ESRRG: variants seen among roughly 807,000 people sequenced by gnomAD.
ESRRG encodes the protein estrogen-related receptor gamma.
Under a neutral mutation model 44.0 loss-of-function variants are expected in ESRRG, and 13 were observed. That is an observed-to-expected ratio of 0.30 (90% CI 0.19 to 0.47). The LOEUF (loss-of-function observed/expected upper bound fraction) is 0.47, where lower values mean the gene tolerates loss of function less well. ESRRG is among the 20% of genes least tolerant of loss of function. ESRRG has a pLI of 1.00. For synonymous variants in ESRRG, 215 were observed against 214.6 expected (o/e 1.00, Z -0.02); for missense variants, 395 against 580.6 (o/e 0.68, Z 3.29).
intron 1 of ESRRG, among the ~76,000 whole-genome samples, chr1:217,114,557 G>T (rs185964997): frequency 3.8e-4 from 57 of 151,928 alleles, no homozygotes; most frequent in Middle Eastern, 6.8e-3. Flanking sequence ...ATGTCTCAGA[G>T]TTGACTCTGA....
intron 2 of ESRRG, among the ~76,000 whole-genome samples, chr1:216,868,263 T>A (rs2096205231): frequency 6.6e-6 from 1 of 151,880 alleles, no homozygotes; most frequent in African/African-American, 2.4e-5. Flanking sequence ...AATTTATTTG[T>A]ATTTAGTAGA....
At chr1:217,058,365 G>C (rs1384002005) in intron 1 of ESRRG, among the ~76,000 whole-genome samples, 1 of 152,136 alleles carries the variant, frequency 6.6e-6, no homozygotes, top group Non-Finnish European at 1.5e-5. Context: ...ATATGGACAA[G>C]AACTTAGAGA....
At chr1:217,049,141 C>T (rs1460776171) in intron 1 of ESRRG, among the ~76,000 whole-genome samples, 1 of 152,176 alleles carries the variant, frequency 6.6e-6, no homozygotes, top group African/African-American at 2.4e-5. Context: ...CTCCCTCACT[C>T]CAAATTCTAT....
At chr1:217,064,037 T>A (rs2089142826) in intron 1 of ESRRG, among the ~76,000 whole-genome samples, 1 of 150,424 alleles carries the variant, frequency 6.6e-6, no homozygotes, top group African/African-American at 2.4e-5. Context: ...ATATACACAA[T>A]AAATAGATAT....
intron 2 of ESRRG, among the ~76,000 whole-genome samples, chr1:216,669,759 G>A (rs1260351078): frequency 2.0e-5 from 3 of 152,122 alleles, no homozygotes; most frequent in Admixed American, 6.6e-5. Flanking sequence ...GCTGGTGTGT[G>A]CCTGTAATCC....
chr1:216,885,360 T>C (rs1474526307), intron 2 of ESRRG, among the ~76,000 whole-genome samples: 2 of 152,054 alleles, frequency 1.3e-5, no homozygotes, highest in African/African-American at 2.4e-5. Flanking sequence ...TACAGAACAA[T>C]GAGATGGAGT....
chr1:216,962,497 T>C (rs1216489040), intron 1 of ESRRG, among the ~76,000 whole-genome samples: 1 of 152,210 alleles, frequency 6.6e-6, no homozygotes, highest in Admixed American at 6.5e-5. Context: ...ACAAATTTAA[T>C]CTGTAAAGTC....
At chr1:217,091,123 C>T (rs902900782), upstream of ESRRG, among the ~76,000 whole-genome samples, 1 of 152,172 alleles carries the variant, frequency 6.6e-6, no homozygotes, top group Non-Finnish European at 1.5e-5. Flanking sequence ...TTGGCAAATG[C>T]TTTGCTCTGC....
In ESRRG at chr1:216,640,291, C is replaced by T. The variant is rs151016751; in HGVS notation, c.589+10682G>A. Among the ~76,000 whole-genome samples, 1,069 of 152,238 alleles carry T rather than the reference C, an allele frequency of 7.0e-3. 13 individuals are homozygous for T. The highest frequency in any genetic ancestry group is 0.024 in the African/African-American group (1,018 of 41,552). On this transcript the variant is annotated intron_variant, in intron 3 of 6. Coordinates refer to ENST00000408911, the MANE Select transcript of ESRRG (RefSeq NM_001438.4). ...CAGGCTCAGGGAATTTGGCTAGCAC[C>T]GGGCACCTCAGACTTCTGCCAGCTA...
chr1:216,962,868 T>C (rs966505056), intron 1 of ESRRG, among the ~76,000 whole-genome samples: 1 of 152,154 alleles, frequency 6.6e-6, no homozygotes, highest in Non-Finnish European at 1.5e-5. Context: ...ACAATTAATA[T>C]GACAAGACGG....
intron 2 of ESRRG, among the ~76,000 whole-genome samples, chr1:216,750,710 C>T (rs962820704): frequency 1.3e-5 from 2 of 151,814 alleles, no homozygotes; most frequent in Admixed American, 6.6e-5. Flanking sequence ...GGCCACCACC[C>T]GAAGAAGAAC....
At chr1:216,775,786 A>T (rs1194357304) in intron 2 of ESRRG, among the ~76,000 whole-genome samples, 1 of 151,276 alleles carries the variant, frequency 6.6e-6, no homozygotes, top group Non-Finnish European at 1.5e-5. Flanking sequence ...GCTGGTCTTG[A>T]ACTCCTGGGC....
intron 2 of ESRRG, among the ~76,000 whole-genome samples, chr1:216,674,130 A>G (rs1227140909): frequency 6.6e-6 from 1 of 152,250 alleles, no homozygotes; most frequent in Non-Finnish European, 1.5e-5. Flanking sequence ...CTTTGTAACC[A>G]TAAGGATTAT....
chr1:216,830,583 A>C (rs1344873), intron 2 of ESRRG, among the ~76,000 whole-genome samples: 119,380 of 151,974 alleles, frequency 0.79, 47,334 homozygotes, highest in African/African-American at 0.89. Context: ...GGGCTCTCGG[A>C]AGCCTCAGAA....
chr1:216,593,054 G>A (rs2057932034), intron 3 of ESRRG, among the ~76,000 whole-genome samples: 1 of 151,940 alleles, frequency 6.6e-6, no homozygotes, highest in Non-Finnish European at 1.5e-5. Context: ...TACATACAGG[G>A]GACTGTTTGC....
intron 2 of ESRRG, among the ~76,000 whole-genome samples, chr1:216,764,719 T>A (rs944830658): frequency 5.9e-5 from 9 of 152,102 alleles, no homozygotes; most frequent in Non-Finnish European, 1.0e-4. Flanking sequence ...AGAAAAAAAA[T>A]TTGTATCCCT....
intron 1 of ESRRG, among the ~76,000 whole-genome samples, chr1:216,973,824 C>A (rs1292727548): frequency 9.0e-6 from 1 of 111,150 alleles, no homozygotes; most frequent in East Asian, 4.0e-4. Context: ...GAAACTCTGT[C>A]TCAAAAAAAA....
chr1:216,580,993 A>T (rs1486474765), intron 3 of ESRRG, among the ~76,000 whole-genome samples: 1 of 152,254 alleles, frequency 6.6e-6, no homozygotes, highest in Non-Finnish European at 1.5e-5. Flanking sequence ...CATTAGGAAA[A>T]GATCAATGTC....
intron 2 of ESRRG, among the ~76,000 whole-genome samples, chr1:216,762,105 C>A (rs1228374986): frequency 6.6e-6 from 1 of 152,024 alleles, no homozygotes; most frequent in African/African-American, 2.4e-5. Context: ...CAAAATGAAG[C>A]TTGGAGGGCT....
Sources: allele counts gnomAD v4.1 joint callset (sites outside exome capture counted in the v4.1 genomes callset), GRCh38; gene constraint gnomAD v4.1.1; transcripts MANE v1.5; gene names NCBI Gene and HGNC (gene_info 2026-07-23, HGNC 2026-07-21).